The following KCNJ6 variants were observed in gnomAD, a reference collection of about 807,000 sequenced individuals.
The protein encoded by KCNJ6 is G protein-activated inward rectifier potassium channel 2.
A neutral mutation model predicts 34.2 loss-of-function variants in KCNJ6; 9 were observed. The ratio of observed to expected loss-of-function variants is 0.26; its 90% confidence interval spans 0.16 to 0.46. The LOEUF (loss-of-function observed/expected upper bound fraction) is 0.46, where lower values mean the gene tolerates loss of function less well. Among genes scored for constraint, KCNJ6 ranks in the 20% least tolerant of loss-of-function variants. The pLI, the probability that KCNJ6 is intolerant of heterozygous loss-of-function variation, is 1.00. For missense variants in KCNJ6, 236 were observed against 531.3 expected (o/e 0.44, Z 5.46); for synonymous variants, 196 against 207.1 (o/e 0.95, Z 0.46).
intron 2 of KCNJ6, among the ~76,000 whole-genome samples, chr21:37,836,803 G>A (rs1257664722): frequency 5.3e-5 from 8 of 152,104 alleles, no homozygotes; most frequent in Admixed American, 5.2e-4. Flanking sequence ...ATGGGTTGAT[G>A]GGTGCAGCAA....
At chr21:37,793,751 G>T (rs893011437) in intron 2 of KCNJ6, among the ~76,000 whole-genome samples, 2 of 152,088 alleles carry the variant, frequency 1.3e-5, no homozygotes, top group African/African-American at 4.8e-5. Context: ...AAAAGCTGGG[G>T]CTGAGACTCA....
At chr21:37,851,042 A>T (rs1381109565) in intron 1 of KCNJ6, among the ~76,000 whole-genome samples, 1 of 152,138 alleles carries the variant, frequency 6.6e-6, no homozygotes, top group Non-Finnish European at 1.5e-5. Flanking sequence ...GGCCGTGATC[A>T]AGTTTTGTGA....
At chr21:37,719,794 G>A (rs1340060539) in intron 2 of KCNJ6, among the ~76,000 whole-genome samples, 1 of 152,204 alleles carries the variant, frequency 6.6e-6, no homozygotes, top group Admixed American at 6.5e-5. Context: ...CAGAGCCACA[G>A]CTGGGCGGAG....
In KCNJ6 at chr21:37,619,041, C is replaced by A. The variant is rs1165133773; in HGVS notation, c.*6118G>T. 3 of 152,150 alleles carry A rather than the reference C, an allele frequency of 2.0e-5. No homozygotes were observed. The highest frequency in any genetic ancestry group is 6.5e-5 in the Admixed American group (1 of 15,268). 9.4% of individuals were successfully genotyped at this position (152,150 alleles called of 1,614,324 possible). ...TTTGCATGATCTATATTGTAGATACCATTACCTACTTAGTTTCAGACGCAG... is the reference window on the plus strand; with the variant it reads ...TTTGCATGATCTATATTGTAGATACAATTACCTACTTAGTTTCAGACGCAG... On this transcript the variant is annotated 3_prime_UTR_variant, in exon 4 of 4. Transcript: ENST00000609713.
intron 2 of KCNJ6, among the ~76,000 whole-genome samples, chr21:37,799,141 T>C (rs562208767): frequency 6.6e-6 from 1 of 152,314 alleles, no homozygotes; most frequent in Admixed American, 6.5e-5. Flanking sequence ...TCTCTTCATG[T>C]AACTCCCACT....
chr21:37,883,254 G>A (rs973110138), intron 1 of KCNJ6, among the ~76,000 whole-genome samples: 1 of 152,168 alleles, frequency 6.6e-6, no homozygotes, highest in African/African-American at 2.4e-5. Flanking sequence ...CAGCTATTAA[G>A]TATTTTACTC....
At chr21:37,844,132 C>G (rs1261723684) in intron 1 of KCNJ6, among the ~76,000 whole-genome samples, 3 of 151,348 alleles carry the variant, frequency 2.0e-5, no homozygotes, top group Non-Finnish European at 4.4e-5. Flanking sequence ...GATCTCCGCT[C>G]ACTACAACCT....
intron 2 of KCNJ6, among the ~76,000 whole-genome samples, chr21:37,830,448 G>C (rs1386039970): frequency 6.6e-6 from 1 of 152,124 alleles, no homozygotes; most frequent in Non-Finnish European, 1.5e-5. Flanking sequence ...TGCTCCCCCA[G>C]GGAAAATTTA....
chr21:37,793,049 C>T (rs1395521849), intron 2 of KCNJ6, among the ~76,000 whole-genome samples: 1 of 152,118 alleles, frequency 6.6e-6, no homozygotes, highest in Non-Finnish European at 1.5e-5. Context: ...CATGTTGAGA[C>T]CTCATCAGAA....
At chr21:37,658,259 G>C (rs1276482439) in intron 3 of KCNJ6, among the ~76,000 whole-genome samples, 2 of 152,230 alleles carry the variant, frequency 1.3e-5, no homozygotes, top group Non-Finnish European at 2.9e-5. Context: ...TAAATGGAGA[G>C]ATGGAAGTAT....
intron 2 of KCNJ6, chr21:37,719,533 T>C (rs1383854328): frequency 1.3e-5 from 2 of 152,150 alleles, no homozygotes; most frequent in Admixed American, 1.3e-4. Flanking sequence ...AACCATGAAA[T>C]GCTGCACAAA....
intron 3 of KCNJ6, among the ~76,000 whole-genome samples, chr21:37,654,106 T>G (rs912273965): frequency 3.3e-4 from 21 of 62,796 alleles, no homozygotes; most frequent in Non-Finnish European, 5.2e-4. Context: ...ACTTTGTGGG[T>G]TTTTTTTTTT....
chr21:37,709,937 C>T lies in KCNJ6; in HGVS notation c.946+4274G>A, dbSNP rs114159231. ...TTGTTAACTCCCAGATGGCAACTTCCGATTAATTGGCCTTGCCTCCTTGTC... is the reference window on the plus strand; with the variant it reads ...TTGTTAACTCCCAGATGGCAACTTCTGATTAATTGGCCTTGCCTCCTTGTC... On this transcript the variant is annotated intron_variant, in intron 3 of 3. Transcript: ENST00000609713. Among the ~76,000 whole-genome samples the T allele has an allele frequency of 3.4e-3, 515 of 152,260 alleles. 1 individual carries two copies. The highest frequency in any genetic ancestry group is 0.011 in the African/African-American group (477 of 41,534).
chr21:37,685,829 G>T (rs964047698), intron 3 of KCNJ6, among the ~76,000 whole-genome samples: 5 of 150,826 alleles, frequency 3.3e-5, no homozygotes, highest in African/African-American at 1.2e-4. Flanking sequence ...ATCAAATAAA[G>T]TATTATTTTG....
chr21:37,887,900 C>G (rs908266575), intron 1 of KCNJ6, among the ~76,000 whole-genome samples: 2 of 152,244 alleles, frequency 1.3e-5, no homozygotes, highest in African/African-American at 2.4e-5. Flanking sequence ...CAAAGGAAGA[C>G]AAGATCAGAG....
chr21:37,621,289 C>T lies in KCNJ6; in HGVS notation c.*3870G>A, dbSNP rs975408876. The T allele has an allele frequency of 6.6e-6, 1 of 152,162 alleles. No homozygotes were observed. The highest frequency in any genetic ancestry group is 1.5e-5 in the Non-Finnish European group (1 of 68,024). 9.4% of individuals were successfully genotyped at this position (152,162 alleles called of 1,614,324 possible). The stretch of plus-strand genomic sequence containing the variant: ...TTACTATGAGTATTTTAATTGTATT[C>T]TCTCAGCAAATCAAATGATTTCCCA... On this transcript the variant is annotated 3_prime_UTR_variant, in exon 4 of 4. Coordinates refer to ENST00000609713, the MANE Select transcript of KCNJ6 (RefSeq NM_002240.5).
intron 3 of KCNJ6, among the ~76,000 whole-genome samples, chr21:37,711,001 T>C (rs900277628): frequency 6.6e-6 from 1 of 152,212 alleles, no homozygotes; most frequent in African/African-American, 2.4e-5. Flanking sequence ...CCTCCTGACT[T>C]CAGGCGGGAC....
intron 3 of KCNJ6, among the ~76,000 whole-genome samples, chr21:37,654,591 G>T (rs530748910): frequency 2.6e-5 from 4 of 152,150 alleles, no homozygotes; most frequent in African/African-American, 9.6e-5. Context: ...CACCATGCAG[G>T]GCCTGCCCAT....
chr21:37,734,017 G>T (rs1456560345), intron 2 of KCNJ6, among the ~76,000 whole-genome samples: 1 of 152,182 alleles, frequency 6.6e-6, no homozygotes, highest in African/African-American at 2.4e-5. Context: ...ATGAGAAGAT[G>T]TTCAGTCCTG....
Sources: gnomAD v4.1 joint callset for allele counts (sites outside exome capture counted in the v4.1 genomes callset) on GRCh38, gnomAD v4.1.1 for gene constraint, MANE v1.5 for transcripts, NCBI Gene and HGNC (gene_info 2026-07-23, HGNC 2026-07-21) for gene names.